The following SLC24A2 variants were observed in gnomAD, a reference collection of about 807,000 sequenced individuals.
The protein encoded by SLC24A2 is sodium/potassium/calcium exchanger 2.
Under a neutral mutation model 62.0 loss-of-function variants are expected in SLC24A2, and 36 were observed. That is an observed-to-expected ratio of 0.58 (90% CI 0.44 to 0.77). SLC24A2 has a LOEUF of 0.77. SLC24A2 is among the 30% of genes least tolerant of loss of function. The pLI, the probability that SLC24A2 is intolerant of heterozygous loss-of-function variation, is 0.00. For missense variants in SLC24A2, 846 were observed against 817.9 expected (o/e 1.03, Z -0.42); for synonymous variants, 358 against 294.0 (o/e 1.22, Z -2.23).
At chr9:19,750,197 G>T (rs1821942952) in intron 2 of SLC24A2, among the ~76,000 whole-genome samples, 1 of 152,136 alleles carries the variant, frequency 6.6e-6, no homozygotes, top group South Asian at 2.1e-4. Context: ...CCAGAATACA[G>T]GAAGATTCAC....
the SLC24A2 span, among the ~76,000 whole-genome samples, chr9:19,803,356 T>C: frequency 2.2e-4 from 33 of 152,202 alleles, no homozygotes; most frequent in Non-Finnish European, 4.6e-4. Context: ...AATTGCTCTT[T>C]TGTTTTTTAG....
chr9:19,754,436 C>G (rs1182679), intron 2 of SLC24A2, among the ~76,000 whole-genome samples: 86,505 of 152,082 alleles, frequency 0.57, 24,906 homozygotes, highest in African/African-American at 0.62. Context: ...TCAATGACAG[C>G]GGGACTGGTG....
At chr9:19,914,342 G>A in the SLC24A2 span, among the ~76,000 whole-genome samples, 1 of 146,490 alleles carries the variant, frequency 6.8e-6, no homozygotes, top group African/African-American at 2.5e-5. Context: ...CATGTCCACT[G>A]GCTTTCCATT....
At chr9:19,772,603 T>A (rs752144765) in intron 2 of SLC24A2, among the ~76,000 whole-genome samples, 1 of 152,276 alleles carries the variant, frequency 6.6e-6, no homozygotes, top group South Asian at 2.1e-4. Flanking sequence ...AAATGGCCAA[T>A]AAGTCCAACG....
intron 7 of SLC24A2, among the ~76,000 whole-genome samples, chr9:19,558,331 C>T (rs1835205760): frequency 6.6e-6 from 1 of 152,094 alleles, no homozygotes; most frequent in Admixed American, 6.5e-5. Flanking sequence ...TGCTAAGTCA[C>T]CAATGAACAT....
chr9:19,712,597 A>G (rs1214419423), intron 2 of SLC24A2, among the ~76,000 whole-genome samples: 2 of 152,172 alleles, frequency 1.3e-5, no homozygotes, highest in Admixed American at 1.3e-4. Context: ...GCCCTGAGCT[A>G]TCTTCCAAAT....
At chr9:20,255,495 A>T in the SLC24A2 span, among the ~76,000 whole-genome samples, 1 of 152,180 alleles carries the variant, frequency 6.6e-6, no homozygotes, top group Non-Finnish European at 1.5e-5. Context: ...ATCTGTATAC[A>T]TGGCATCATC....
chr9:20,174,324 G>A, the SLC24A2 span, among the ~76,000 whole-genome samples: 2 of 151,712 alleles, frequency 1.3e-5, no homozygotes, highest in East Asian at 3.9e-4. Context: ...AAAAGCAAAA[G>A]CAATTAAAAG....
chr9:20,166,411 G>T, the SLC24A2 span, among the ~76,000 whole-genome samples: 1 of 152,076 alleles, frequency 6.6e-6, no homozygotes, highest in South Asian at 2.1e-4. Flanking sequence ...ATTCAGGTGG[G>T]TCTTAGAAGG....
chr9:19,637,572 G>C (rs971584975), intron 2 of SLC24A2, among the ~76,000 whole-genome samples: 1 of 152,200 alleles, frequency 6.6e-6, no homozygotes. Context: ...TTTTGGAAAT[G>C]GGTGCACTTC....
the SLC24A2 span, among the ~76,000 whole-genome samples, chr9:19,866,145 T>C: frequency 6.6e-6 from 1 of 152,146 alleles, no homozygotes; most frequent in African/African-American, 2.4e-5. Flanking sequence ...AAAACTACAA[T>C]GAGATGTCAT....
the SLC24A2 span, among the ~76,000 whole-genome samples, chr9:20,220,404 T>C: frequency 2.0e-5 from 3 of 152,184 alleles, no homozygotes; most frequent in Non-Finnish European, 4.4e-5. Flanking sequence ...TGAGCTTTCC[T>C]CTTATTCTCA....
At chr9:19,980,649 G>A in the SLC24A2 span, among the ~76,000 whole-genome samples, 1 of 152,088 alleles carries the variant, frequency 6.6e-6, no homozygotes, top group Non-Finnish European at 1.5e-5. Flanking sequence ...TGAGGCCTGA[G>A]TCTACTTAAT....
intron 2 of SLC24A2, among the ~76,000 whole-genome samples, chr9:19,768,394 T>C (rs1049344925): frequency 1.3e-5 from 2 of 152,222 alleles, no homozygotes; most frequent in Non-Finnish European, 2.9e-5. Context: ...TTCAATTCTC[T>C]GACCTCATCC....
At chr9:19,798,587 A>G in the SLC24A2 span, among the ~76,000 whole-genome samples, 1 of 127,046 alleles carries the variant, frequency 7.9e-6, no homozygotes, top group Non-Finnish European at 1.7e-5. Flanking sequence ...CGTTTGATCA[A>G]ATCCTTTATA....
intron 2 of SLC24A2, among the ~76,000 whole-genome samples, chr9:19,732,443 T>C (rs1395332701): frequency 6.6e-6 from 1 of 152,218 alleles, no homozygotes; most frequent in African/African-American, 2.4e-5. Flanking sequence ...CCATCAGGGC[T>C]GGCAGCCTTT....
chr9:19,580,133 C>T (rs565394420), intron 5 of SLC24A2, among the ~76,000 whole-genome samples: 2 of 152,318 alleles, frequency 1.3e-5, no homozygotes, highest in South Asian at 4.1e-4. Flanking sequence ...GGGCAGCAAG[C>T]CAAAGCAGCA....
the SLC24A2 span, among the ~76,000 whole-genome samples, chr9:19,821,590 T>G: frequency 2.0e-5 from 3 of 152,128 alleles, no homozygotes; most frequent in African/African-American, 7.2e-5. Flanking sequence ...TCTTAACTTT[T>G]TATCAGCCTT....
At chr9:19,586,839 T>TCACA (rs958453151) in intron 5 of SLC24A2, among the ~76,000 whole-genome samples, 1 of 152,174 alleles carries the variant, frequency 6.6e-6, no homozygotes, top group African/African-American at 2.4e-5. Context: ...TACAAATGGC[T>TCACA]CACACAAAGA....
Sources: allele counts gnomAD v4.1 joint callset (sites outside exome capture counted in the v4.1 genomes callset), GRCh38; gene constraint gnomAD v4.1.1; transcripts MANE v1.5; gene names NCBI Gene and HGNC (gene_info 2026-07-23, HGNC 2026-07-21).